The following RAPGEF4 variants were observed in gnomAD, a reference collection of about 807,000 sequenced individuals.
RAPGEF4 encodes RAP guanine-nucleotide-exchange factor (GEF) 4.
RAPGEF4 carries 66 observed loss-of-function variants against 147.9 expected under a neutral mutation model. The ratio of observed to expected loss-of-function variants is 0.45; its 90% CI spans 0.37 to 0.55. The LOEUF is 0.55. Among genes scored for constraint, RAPGEF4 ranks in the 20% least tolerant of loss-of-function variants. The pLI is 0.00. For missense variants in RAPGEF4, 1,071 were observed against 1,257.3 expected (o/e 0.85, Z 2.24); for synonymous variants, 419 against 442.7 (o/e 0.95, Z 0.67).
intron 4 of RAPGEF4, among the ~76,000 whole-genome samples, chr2:172,830,997 G>T (rs1232466607): frequency 2.0e-5 from 3 of 151,976 alleles, no homozygotes; most frequent in Non-Finnish European, 2.9e-5. Flanking sequence ...ATAGGTTGCT[G>T]GGCAAGACTT....
intron 1 of RAPGEF4, among the ~76,000 whole-genome samples, chr2:172,747,117 C>T (rs1332209064): frequency 6.6e-6 from 1 of 152,088 alleles, no homozygotes; most frequent in East Asian, 1.9e-4. Context: ...CTGTTTATAC[C>T]CTGGATGAAG....
intron 1 of RAPGEF4, among the ~76,000 whole-genome samples, chr2:172,751,347 C>T (rs1695270587): frequency 6.6e-6 from 1 of 152,166 alleles, no homozygotes; most frequent in African/African-American, 2.4e-5. Context: ...TTCATTCAGT[C>T]AGTCTTCAAA....
At chr2:172,747,598 T>C (rs2149434111) in intron 1 of RAPGEF4, among the ~76,000 whole-genome samples, 1 of 152,310 alleles carries the variant, frequency 6.6e-6, no homozygotes, top group African/African-American at 2.4e-5. Context: ...CCCAAGTAGC[T>C]GGGACTATAG....
intron 4 of RAPGEF4, chr2:172,822,120 C>A: frequency 3.9e-6 from 4 of 1,018,600 alleles, no homozygotes; most frequent in Non-Finnish European, 5.7e-6. Flanking sequence ...TGTACCATGG[C>A]AGGGACATAA....
At chr2:172,863,832 C>T (rs1440832281) in intron 4 of RAPGEF4, among the ~76,000 whole-genome samples, 1 of 152,086 alleles carries the variant, frequency 6.6e-6, no homozygotes, top group African/African-American at 2.4e-5. Context: ...AACCCACCCT[C>T]GGGTCAAAGT....
At position 173,051,902 on chromosome 2, in the gene RAPGEF4, GGCTGC is replaced by G; in HGVS notation, c.*136_*140del. 1 of 1,018,276 alleles carries G rather than the reference GGCTGC, an allele frequency of 9.8e-7. No homozygotes were observed. Among genetic ancestry groups the G allele is most frequent in the Non-Finnish European group, 1.4e-6 (1 of 699,696 alleles). The allele number at this position is 1,018,276 out of a possible 1,614,324, so 63.1% of individuals were successfully genotyped here. ...AAAAACACATCCTGAGACACCTCAG[GGCTGC>G]ATTCAGCTTACCAGCTACCTAGCAA... is the stretch of plus-strand genomic sequence containing the variant. On this transcript the variant is annotated 3_prime_UTR_variant, in exon 31 of 31. Transcript: ENST00000397081.
intron 1 of RAPGEF4, among the ~76,000 whole-genome samples, chr2:172,787,599 C>CTTTATCTATTTA (rs1685340537): frequency 6.9e-6 from 1 of 145,384 alleles, no homozygotes; most frequent in Non-Finnish European, 1.5e-5. Context: ...AAACAAAGTG[C>CTTTATCTATTTA]TTTATTTATT....
chr2:172,918,581 T>C (rs1416260671), intron 5 of RAPGEF4, among the ~76,000 whole-genome samples: 5 of 152,068 alleles, frequency 3.3e-5, no homozygotes, highest in African/African-American at 7.2e-5. Flanking sequence ...AGAAACGAAG[T>C]TTTTCTCTGT....
intron 11 of RAPGEF4, among the ~76,000 whole-genome samples, chr2:172,984,896 T>C (rs1692079664): frequency 6.6e-6 from 1 of 151,928 alleles, no homozygotes; most frequent in African/African-American, 2.4e-5. Context: ...AGCCATGATT[T>C]GGGACCGTAA....
intron 1 of RAPGEF4, among the ~76,000 whole-genome samples, chr2:172,755,496 C>T (rs942559464): frequency 7.2e-5 from 11 of 152,076 alleles, no homozygotes; most frequent in African/African-American, 1.7e-4. Flanking sequence ...TCAGTTCAAG[C>T]GATTCTCCTG....
At chr2:172,951,671 CCAGGCAAAAGGAAGAGAGGG>C in intron 6 of RAPGEF4, among the ~76,000 whole-genome samples, 1 of 152,184 alleles carries the variant, frequency 6.6e-6, no homozygotes, top group East Asian at 1.9e-4. Flanking sequence ...AAGAGTGCAT[CCAGGCAAAAGGAAGAGAGGG>C]TGTGGCCTGA....
intron 8 of RAPGEF4, among the ~76,000 whole-genome samples, chr2:172,962,666 A>G (rs1689417080): frequency 6.6e-6 from 1 of 152,068 alleles, no homozygotes; most frequent in Non-Finnish European, 1.5e-5. Flanking sequence ...TTACATTTAG[A>G]TTGGCCTCTT....
chr2:172,867,517 C>A (rs1694783659), intron 4 of RAPGEF4, among the ~76,000 whole-genome samples: 1 of 152,144 alleles, frequency 6.6e-6, no homozygotes, highest in African/African-American at 2.4e-5. Context: ...GACCCTTGAA[C>A]ATGAAGGTCC....
intron 10 of RAPGEF4, among the ~76,000 whole-genome samples, chr2:172,981,586 G>A (rs371352593): frequency 1.8e-4 from 27 of 152,288 alleles, no homozygotes; most frequent in African/African-American, 6.5e-4. Context: ...AGCATCTCCC[G>A]GGTCGTGGAT....
intron 2 of RAPGEF4, among the ~76,000 whole-genome samples, chr2:172,795,462 TG>T: frequency 6.6e-6 from 1 of 152,334 alleles, no homozygotes; most frequent in East Asian, 1.9e-4. Context: ...TTCACATAAT[TG>T]TCTTCTCTAA....
Position 172,764,920 on chromosome 2 carries a change from A to G in RAPGEF4, c.65+28872A>G, listed in dbSNP as rs150634347. Among the ~76,000 whole-genome samples the G allele has an allele frequency of 8.1e-3, 1,229 of 152,320 alleles. 4 individuals carry two copies. Among genetic ancestry groups the G allele is most frequent in the Middle Eastern group, 0.02 (6 of 294 alleles). On this transcript the variant is annotated intron_variant, in intron 1 of 30. Coordinates refer to ENST00000397081, the MANE Select transcript of RAPGEF4 (RefSeq NM_007023.4). Reference sequence around the variant, plus strand: ...AAGGTGAATTTCTATGGGACCATGTATTAGTTTCCTACAACTGCCAAAACA... The same window carrying G: ...AAGGTGAATTTCTATGGGACCATGTGTTAGTTTCCTACAACTGCCAAAACA...
At chr2:172,757,651 C>T (rs1239422998) in intron 1 of RAPGEF4, among the ~76,000 whole-genome samples, 1 of 152,124 alleles carries the variant, frequency 6.6e-6, no homozygotes, top group Non-Finnish European at 1.5e-5. Context: ...GGGTATTTCT[C>T]CTCTGAATTA....
intron 1 of RAPGEF4, among the ~76,000 whole-genome samples, chr2:172,782,280 G>C (rs777410909): frequency 1.3e-4 from 20 of 152,186 alleles, no homozygotes; most frequent in Admixed American, 2.6e-4. Flanking sequence ...GCTAGTCCTG[G>C]CTGTGCATGC....
intron 3 of RAPGEF4, among the ~76,000 whole-genome samples, chr2:172,807,863 G>T (rs139164867): frequency 2.4e-4 from 37 of 152,206 alleles, no homozygotes; most frequent in African/African-American, 8.2e-4. Flanking sequence ...CAATAAATTT[G>T]CCATGAGACA....
Sources: allele counts gnomAD v4.1 joint callset (sites outside exome capture counted in the v4.1 genomes callset), GRCh38; gene constraint gnomAD v4.1.1; transcripts MANE v1.5; gene names NCBI Gene and HGNC (gene_info 2026-07-23, HGNC 2026-07-21).